The following CFAP54 variants were observed in gnomAD, a reference collection of about 807,000 sequenced individuals.
CFAP54 encodes the protein cilia- and flagella-associated protein 54.
A neutral mutation model predicts 370.4 loss-of-function variants in CFAP54; 290 were observed. The observed-to-expected ratio is 0.78, with a 90% CI of 0.71 to 0.86. The LOEUF (loss-of-function observed/expected upper bound fraction) is 0.86. Ranked by LOEUF, CFAP54 falls within the 40% of genes least tolerant of loss-of-function variation. CFAP54 has a pLI of 0.00. For missense variants in CFAP54, 3,399 were observed against 3,528.7 expected (o/e 0.96, Z 0.93); for synonymous variants, 1,206 against 1,236.5 (o/e 0.98, Z 0.52).
intron 55 of CFAP54, among the ~76,000 whole-genome samples, chr12:96,750,737 T>C (rs190686518): frequency 6.6e-6 from 1 of 152,348 alleles, no homozygotes; most frequent in African/African-American, 2.4e-5. Flanking sequence ...TGAGGATGTG[T>C]CACCACTCAA....
intron 1 of CFAP54, among the ~76,000 whole-genome samples, chr12:96,494,893 A>C (rs911027893): frequency 1.3e-4 from 19 of 151,888 alleles, no homozygotes; most frequent in Admixed American, 1.2e-3. Context: ...CGCCCAGCTA[A>C]TTTTTGTATT....
intron 8 of CFAP54, among the ~76,000 whole-genome samples, chr12:96,524,444 C>G (rs1955352551): frequency 1.3e-5 from 2 of 152,098 alleles, no homozygotes; most frequent in African/African-American, 4.8e-5. Flanking sequence ...TATTAGCTAT[C>G]ATTGTTTATT....
intron 24 of CFAP54, among the ~76,000 whole-genome samples, chr12:96,592,859 T>C (rs1335549357): frequency 3.9e-5 from 6 of 152,136 alleles, no homozygotes; most frequent in Non-Finnish European, 7.4e-5. Context: ...CCCCTGTGTG[T>C]AAAAGTATTA....
chr12:96,728,070 T>C (rs551671710), intron 50 of CFAP54, among the ~76,000 whole-genome samples: 1 of 152,376 alleles, frequency 6.6e-6, no homozygotes, highest in East Asian at 1.9e-4. Flanking sequence ...GGGCTTCCCT[T>C]TGTGGGTAAC....
chr12:96,538,814 T>C, intron 13 of CFAP54: 1 of 256,888 alleles, frequency 3.9e-6, no homozygotes, highest in Non-Finnish European at 7.4e-6. Context: ...TATGGTACCA[T>C]GATCTTGGCT....
chr12:96,830,220 G>A (rs755147178), intron 66 of CFAP54, among the ~76,000 whole-genome samples: 38 of 152,212 alleles, frequency 2.5e-4, no homozygotes, highest in Admixed American at 4.6e-4. Context: ...CAAATCTTTA[G>A]CACAATTGCT....
intron 45 of CFAP54, among the ~76,000 whole-genome samples, chr12:96,694,980 C>G (rs1957427149): frequency 6.6e-6 from 1 of 151,872 alleles, no homozygotes; most frequent in East Asian, 1.9e-4. Flanking sequence ...GAGATTGCAC[C>G]ACTGCACTCC....
At chr12:96,841,700 G>A (rs1959218430) in intron 66 of CFAP54, among the ~76,000 whole-genome samples, 1 of 152,168 alleles carries the variant, frequency 6.6e-6, no homozygotes, top group Non-Finnish European at 1.5e-5. Flanking sequence ...AGAGCACTTA[G>A]CACACGTTCT....
At chr12:96,728,385 C>G (rs1433455165) in intron 50 of CFAP54, among the ~76,000 whole-genome samples, 2 of 152,104 alleles carry the variant, frequency 1.3e-5, no homozygotes, top group African/African-American at 4.8e-5. Context: ...TCTTTTTATT[C>G]TTTTTTCTCT....
At chr12:96,792,041 G>A (rs1469649978) in intron 62 of CFAP54, among the ~76,000 whole-genome samples, 3 of 151,962 alleles carry the variant, frequency 2.0e-5, no homozygotes, top group South Asian at 2.1e-4. Flanking sequence ...TAGTAGAAGC[G>A]AGGTTTCACC....
chr12:96,717,792 A>G (rs186747237), intron 48 of CFAP54, among the ~76,000 whole-genome samples: 21 of 152,348 alleles, frequency 1.4e-4, no homozygotes, highest in Admixed American at 1.2e-3. Context: ...AATATCTGGA[A>G]GAGGGCTTTC....
At chr12:96,542,527 A>C (rs1955588189) in intron 14 of CFAP54, among the ~76,000 whole-genome samples, 1 of 152,208 alleles carries the variant, frequency 6.6e-6, no homozygotes, top group South Asian at 2.1e-4. Flanking sequence ...ATCACCATGT[A>C]TGCATCGTCC....
chr12:96,594,921 A>C (rs1956161671), intron 25 of CFAP54, among the ~76,000 whole-genome samples: 1 of 152,180 alleles, frequency 6.6e-6, no homozygotes, highest in Admixed American at 6.6e-5. Context: ...GTTTCTTAAC[A>C]TATCACCATG....
At chr12:96,651,290 C>G (rs1029535510) in intron 35 of CFAP54, among the ~76,000 whole-genome samples, 1 of 152,184 alleles carries the variant, frequency 6.6e-6, no homozygotes, top group African/African-American at 2.4e-5. Context: ...TTCCCTTGCT[C>G]GCTGCTGAAT....
At chr12:96,521,258 A>G (rs1255485626) in intron 6 of CFAP54, among the ~76,000 whole-genome samples, 5 of 152,220 alleles carry the variant, frequency 3.3e-5, no homozygotes, top group Non-Finnish European at 5.9e-5. Flanking sequence ...TGAGTTCTTA[A>G]TAACTCCTTT....
Position 96,513,557 on chromosome 12 carries a change from A to G in CFAP54, c.798+513A>G, listed in dbSNP as rs540050410. ...GGAGTTTGAGACCAGCCTGGCCAACATGGCAAAACCCCGTCTTTACAAAAA... is the reference window on the plus strand; with the variant it reads ...GGAGTTTGAGACCAGCCTGGCCAACGTGGCAAAACCCCGTCTTTACAAAAA... On this transcript the variant is annotated intron_variant, in intron 5 of 67. Transcript: ENST00000524981. Among the ~76,000 whole-genome samples the G allele has an allele frequency of 8.5e-5, 13 of 152,314 alleles. No individual in the cohort carries two copies. In the South Asian group the frequency reaches 2.5e-3, roughly 29 times the overall value.
chr12:96,688,902 TTATAC>T lies in CFAP54; in HGVS notation c.6015-12_6015-8del, dbSNP rs1957357327. On this transcript the variant is annotated splice_polypyrimidine_tract_variant and intron_variant, in intron 42 of 67. Coordinates refer to ENST00000524981, the MANE Select transcript of CFAP54 (RefSeq NM_001306084.2). ...ATTTCTACTAATCAATTTTTTTTTC[TTATAC>T]TTACTTAGATTTATTAAGTCATTGA... 6.6e-7 allele frequency: 1 copy of T among 1,516,214 alleles called. No homozygotes were observed. The allele number at this position is 1,516,214 out of a possible 1,614,324, so 93.9% of individuals were successfully genotyped here. A position where few individuals can be genotyped will look rare whatever the true frequency, so the allele number is the denominator to read the frequency against.
At chr12:96,846,650 C>G (rs1294644141) in intron 66 of CFAP54, among the ~76,000 whole-genome samples, 1 of 152,030 alleles carries the variant, frequency 6.6e-6, no homozygotes, top group Non-Finnish European at 1.5e-5. Context: ...TTAAATAGTT[C>G]CCTATAAAGA....
At chr12:96,708,445 G>A (rs1592718837) in intron 47 of CFAP54, among the ~76,000 whole-genome samples, 163 bp from the exon 48 acceptor site, 1 of 152,124 alleles carries the variant, frequency 6.6e-6, no homozygotes, top group Admixed American at 6.5e-5. Flanking sequence ...AGATGGTTCC[G>A]ATGTTACATG....
Sources: allele counts gnomAD v4.1 joint callset (sites outside exome capture counted in the v4.1 genomes callset), GRCh38; gene constraint gnomAD v4.1.1; transcripts MANE v1.5; gene names NCBI Gene and HGNC (gene_info 2026-07-23, HGNC 2026-07-21).